CEP76: variants seen among roughly 807,000 people sequenced by gnomAD.
CEP76 encodes the protein centrosomal protein 76.
A neutral mutation model predicts 83.3 loss-of-function variants in CEP76; 55 were observed. That is an observed-to-expected ratio of 0.66 (90% confidence interval 0.53 to 0.83). The LOEUF is 0.83. Among genes scored for constraint, CEP76 ranks in the 40% least tolerant of loss-of-function variants. The pLI is 0.00. For synonymous variants in CEP76, 270 were observed against 274.5 expected (o/e 0.98, Z 0.16); for missense variants, 694 against 799.5 (o/e 0.87, Z 1.59).
At chr18:12,696,524 A>C (rs867815472) in intron 5 of CEP76, among the ~76,000 whole-genome samples, 10 of 150,892 alleles carry the variant, frequency 6.6e-5, no homozygotes, top group East Asian at 1.9e-4. Flanking sequence ...TAATAATAAT[A>C]ATCTAAATTA....
chr18:12,673,877 T>C (rs1191433375), intron 11 of CEP76, among the ~76,000 whole-genome samples: 1 of 152,104 alleles, frequency 6.6e-6, no homozygotes, highest in African/African-American at 2.4e-5. Context: ...TGAGACTCCA[T>C]CTCAAAAATA....
In CEP76 at chr18:12,674,697, A is replaced by G. The variant is rs1310256345; in HGVS notation, c.1680T>C (p.Ala560=). ...TACGCTCAAATTCATAAGAAGCCAAAGCTGGTGATAAAAGGTAGGAGAGCT... is the reference window on the plus strand; with the variant it reads ...TACGCTCAAATTCATAAGAAGCCAAGGCTGGTGATAAAAGGTAGGAGAGCT... ...EDQLSYLLSP[A]LASYEFERTT... Residue 560 remains alanine (A), a synonymous_variant, in exon 11 of 12, where the codon GCT becomes GCC. Transcript: ENST00000262127. The G allele has an allele frequency of 1.2e-6, 2 of 1,614,046 alleles. No individual in the cohort carries two copies. Among genetic ancestry groups the G allele is most frequent in the Non-Finnish European group, 1.7e-6 (2 of 1,180,044 alleles).
At chr18:12,681,646 A>G (rs2039353310) in intron 8 of CEP76, among the ~76,000 whole-genome samples, 1 of 152,142 alleles carries the variant, frequency 6.6e-6, no homozygotes, top group African/African-American at 2.4e-5. Flanking sequence ...CACTCAACCA[A>G]TGACTGATAG....
At chr18:12,674,433 C>T in intron 11 of CEP76, 103 bp downstream of exon 11, 3 of 799,672 alleles carry the variant, frequency 3.8e-6, no homozygotes, top group Non-Finnish European at 5.8e-6. Flanking sequence ...CAGAGCAAGA[C>T]CTTGAGTTAA....
At chr18:12,667,083 C>A (rs1227371244) in intron 12 of CEP76, among the ~76,000 whole-genome samples, 12 of 151,856 alleles carry the variant, frequency 7.9e-5, no homozygotes, top group Non-Finnish European at 1.6e-4. Context: ...CACTAAAAAA[C>A]CCCTCAAAAA....
At chr18:12,691,709 A>AT (rs537984227) in intron 6 of CEP76, among the ~76,000 whole-genome samples, 47,920 of 140,268 alleles carry the variant, frequency 0.34, 8,450 homozygotes, top group Middle Eastern at 0.46. Context: ...CAAAGACAGA[A>AT]TTTTTTTTTT....
At chr18:12,682,355 AT>A (rs1204664479) in intron 8 of CEP76, among the ~76,000 whole-genome samples, 1 of 151,952 alleles carries the variant, frequency 6.6e-6, no homozygotes, top group Non-Finnish European at 1.5e-5. Context: ...AGGCCCAGCT[AT>A]TTTTTGTGTT....
chr18:12,670,785 C>T (rs776001760), downstream of CEP76: 1 of 151,794 alleles, frequency 6.6e-6, no homozygotes, highest in East Asian at 1.9e-4. Flanking sequence ...GCAGCTGGGA[C>T]CACAGGTGTG....
At chr18:12,693,869 G>A (rs2039856226) in intron 6 of CEP76, among the ~76,000 whole-genome samples, 1 of 152,150 alleles carries the variant, frequency 6.6e-6, no homozygotes, top group South Asian at 2.1e-4. Context: ...GTCTTAGTCT[G>A]TAACCCAGGC....
rs2040129501 is a variant in CEP76, at chr18:12,700,945, A to G, written c.219+13T>C. Reference sequence around the variant, plus strand: ...ATATATACTCTCATTTATTTCCCTAAAAGATTACTCACAGTAACAAAATTA... The same window carrying G: ...ATATATACTCTCATTTATTTCCCTAGAAGATTACTCACAGTAACAAAATTA... On this transcript the variant is annotated intron_variant, in intron 2 of 11. Transcript: ENST00000262127. 6.2e-7 allele frequency: 1 copy of G among 1,605,392 alleles called. No homozygotes were observed. Among genetic ancestry groups the G allele is most frequent in the African/African-American group, 1.3e-5 (1 of 74,822 alleles).
At chr18:12,673,541 A>C (rs755939319) in intron 11 of CEP76, 38 bp from the exon 12 acceptor site, 2 of 1,466,310 alleles carry the variant, frequency 1.4e-6, no homozygotes, top group South Asian at 2.5e-5. Context: ...TTAAGAAGTG[A>C]CCATACACTT....
rs949253408 is a variant in CEP76 at position 12,695,867 on chromosome 18, C to G, written c.707-516G>C. Reference sequence around the variant, plus strand: ...CATTCCTTCTCCACACACACACACACACACACACACACACACACTAAAAAT... The same window carrying G: ...CATTCCTTCTCCACACACACACACAGACACACACACACACACACTAAAAAT... On this transcript the variant is annotated intron_variant, in intron 5 of 11. Coordinates refer to ENST00000262127, the MANE Select transcript of CEP76 (RefSeq NM_024899.4). Among the ~76,000 whole-genome samples, 377 of 151,974 alleles carry G rather than the reference C, an allele frequency of 2.5e-3. 3 individuals carry two copies. The highest frequency in any genetic ancestry group is 8.8e-3 in the African/African-American group (364 of 41,452).
intron 7 of CEP76, among the ~76,000 whole-genome samples, chr18:12,687,212 T>A (rs930072751): frequency 5.3e-5 from 8 of 152,184 alleles, no homozygotes; most frequent in African/African-American, 1.9e-4. Context: ...ATAGGGTTCC[T>A]CAGGACATGA....
Position 12,673,286 on chromosome 18 carries a change from A to G in CEP76, c.*79T>C, listed in dbSNP as rs549756777. 11 of 1,495,626 alleles carry G rather than the reference A, an allele frequency of 7.4e-6. No individual in the cohort carries two copies. The East Asian group carries it at 2.6e-4, about 36-fold the overall frequency. 92.6% of individuals were successfully genotyped at this position (1,495,626 alleles called of 1,614,324 possible). A position where few individuals can be genotyped will look rare whatever the true frequency, so the allele number is the denominator to read the frequency against. On this transcript the variant is annotated 3_prime_UTR_variant, in exon 12 of 12. Transcript: ENST00000262127. ...GCCAGATTGTGATTTTAAAATAACA[A>G]ACCTCTAAATAGCTAAGTAATGTAC...
intron 8 of CEP76, chr18:12,684,383 G>T (rs1225715803): frequency 6.6e-6 from 1 of 151,890 alleles, no homozygotes; most frequent in African/African-American, 2.4e-5. Context: ...CCCAAGTGCT[G>T]GAATTGCGGG....
intron 6 of CEP76, among the ~76,000 whole-genome samples, chr18:12,692,859 G>A (rs1217486663): frequency 3.9e-5 from 6 of 152,178 alleles, no homozygotes; most frequent in Non-Finnish European, 7.3e-5. Flanking sequence ...GTCTTGCTCT[G>A]TCACCCAGTC....
rs907557677 is a variant in CEP76, at chr18:12,691,578, T to C, written c.805-91A>G. On this transcript the variant is annotated intron_variant, in intron 6 of 11. Coordinates refer to ENST00000262127, the MANE Select transcript of CEP76 (RefSeq NM_024899.4). ...CAAATTTATCTACTTCTCTACATCA[T>C]TACCACCCTAATCTGAGTCATCATC... is the stretch of plus-strand genomic sequence containing the variant. 7 of 898,212 alleles carry C rather than the reference T, an allele frequency of 7.8e-6. No homozygotes were observed. In the East Asian group the frequency reaches 1.6e-4, roughly 21 times the overall value. 55.6% of individuals were successfully genotyped at this position (898,212 alleles called of 1,614,324 possible). A position where few individuals can be genotyped will look rare whatever the true frequency, so the allele number is the denominator to read the frequency against.
At chr18:12,663,269 A>G (rs2038735800) in intron 12 of CEP76, among the ~76,000 whole-genome samples, 2 of 152,186 alleles carry the variant, frequency 1.3e-5, no homozygotes, top group African/African-American at 4.8e-5. Flanking sequence ...TTAAAAACAA[A>G]ATAAGGCCCA....
In CEP76 at chr18:12,702,668, T is replaced by C. The variant is rs1488355949; in HGVS notation, c.-120A>G. On this transcript the variant is annotated 5_prime_UTR_variant, in exon 1 of 12. Transcript: ENST00000262127. ...GCACAAAGCGCCGCAGCCGTTCGCC[T>C]AGCGCAGCTCCCGGGGGACGCAACG... 2.6e-6 allele frequency: 3 copies of C among 1,144,882 alleles called. No individual in the cohort carries two copies. Among genetic ancestry groups the C allele is most frequent in the South Asian group, 1.5e-5 (1 of 65,044 alleles). The allele number at this position is 1,144,882 out of a possible 1,614,324, so 70.9% of individuals were successfully genotyped here.
Sources: allele counts gnomAD v4.1 joint callset (sites outside exome capture counted in the v4.1 genomes callset), GRCh38; gene constraint gnomAD v4.1.1; transcripts MANE v1.5; gene names NCBI Gene and HGNC (gene_info 2026-07-23, HGNC 2026-07-21).